Variants in KIF14 observed in about 807,000 individuals in gnomAD.
KIF14 encodes kinesin family member 14, also known as kinesin-like protein KIF14.
In KIF14, 98 loss-of-function variants were observed where a neutral mutation model predicts 176.2. The ratio of observed to expected loss-of-function variants is 0.56; its 90% confidence interval spans 0.47 to 0.66. The LOEUF (loss-of-function observed/expected upper bound fraction) is 0.66. Among genes scored for constraint, KIF14 ranks in the 30% least tolerant of loss-of-function variants. The probability of loss-of-function intolerance (pLI) is 0.00; values close to 1 mark genes in which losing one functional copy is unlikely to be tolerated. For missense variants in KIF14, 1,751 were observed against 1,920.4 expected, an observed-to-expected ratio of 0.91 and a Z score of 1.65; for synonymous variants, 566 against 632.2, an observed-to-expected ratio of 0.90 and a Z score of 1.57.
Position 200,565,699 on chromosome 1 carries a change from C to T in KIF14, c.3662-30G>A, listed in dbSNP as rs747265307. 39 of 1,433,118 alleles carry T rather than the reference C, an allele frequency of 2.7e-5. No homozygotes were observed. The African/African-American group carries it at 5.0e-4, about 18-fold the overall frequency. 88.8% of individuals were successfully genotyped at this position (1,433,118 alleles called of 1,614,324 possible). A position where few individuals can be genotyped will look rare whatever the true frequency, so the allele number is the denominator to read the frequency against. ...ATCAACAGAAAATAGCCATTTTAAG[C>T]TTGTTTTCAGGAATAATACTTTCTT... On this transcript the variant is annotated intron_variant, in intron 23 of 29. Transcript: ENST00000367350.
chr1:200,592,538 G>A (rs1659108215), intron 15 of KIF14, among the ~76,000 whole-genome samples: 1 of 152,138 alleles, frequency 6.6e-6, no homozygotes, highest in African/African-American at 2.4e-5. Context: ...ACCACACCCA[G>A]CTAATTTTTG....
Position 200,617,648 on chromosome 1 carries a change from A to T in KIF14, c.1076T>A (p.Val359Glu), listed in dbSNP as rs1445454579. The part of the protein sequence containing the change: ...KDPLKVENSQ[V>E]TVAVRVRPFT... ...AGGTCTTACGCGTACTGCCACTGTC[A>T]CTTGACTATTCTCTACTTTTAAGGG... Residue 359 changes from valine (V) to glutamate (E), a missense_variant, in exon 2 of 30, where the codon GTG becomes GAG. Val to Glu is a moderately radical substitution (Grantham distance 121, BLOSUM62 -2). Transcript: ENST00000367350. The T allele has an allele frequency of 4.3e-6, 7 of 1,613,154 alleles. No homozygotes were observed. In the East Asian group the frequency reaches 1.3e-4, roughly 31 times the overall value.
intron 16 of KIF14, 65 bp downstream of exon 16, chr1:200,592,015 A>T (rs1208668408): frequency 1.5e-6 from 2 of 1,353,238 alleles, no homozygotes; most frequent in African/African-American, 1.5e-5. Flanking sequence ...GACTGGCACA[A>T]TGTGATTAAC....
chr1:200,583,305 T>C (rs1408661539), intron 19 of KIF14, among the ~76,000 whole-genome samples: 1 of 151,988 alleles, frequency 6.6e-6, no homozygotes, highest in Non-Finnish European at 1.5e-5. Context: ...ATTATTAATA[T>C]AGTTATGGCA....
rs766057394 is a variant in KIF14 at position 200,581,288 on chromosome 1, G to A, written c.3248C>T (p.Thr1083Ile). 1.9e-5 allele frequency: 30 copies of A among 1,593,366 alleles called. No individual in the cohort carries two copies. The highest frequency in any genetic ancestry group is 2.5e-5 in the Non-Finnish European group (29 of 1,168,672). Residue 1083 changes from threonine (T) to isoleucine (I), a missense_variant, in exon 20 of 30, where the codon ACA becomes ATA. Physicochemically the swap from Thr to Ile is moderately conservative, Grantham distance 89. Transcript: ENST00000367350. ...TGAGAGTTTCATAGAGCTCCAAGTT[G>A]TCTGCACTAATACAAAGCACACAGA... is the stretch of plus-strand genomic sequence containing the variant. The part of the protein sequence containing the change: ...NNRDKTFTVQ[T>I]TWSSMKLSMM...
At chr1:200,605,765 C>T (rs1659849395) in intron 7 of KIF14, 99 bp downstream of exon 7, 8 of 730,282 alleles carry the variant, frequency 1.1e-5, no homozygotes, top group Non-Finnish European at 1.8e-5. Flanking sequence ...AGGAAACTAA[C>T]CTTTTATTTG....
intron 11 of KIF14, among the ~76,000 whole-genome samples, chr1:200,600,795 A>C (rs1419347603): frequency 6.6e-6 from 1 of 152,216 alleles, no homozygotes; most frequent in East Asian, 1.9e-4. Flanking sequence ...GTAATTGTTA[A>C]AGTGAAAGTT....
intron 11 of KIF14, 106 bp from the exon 12 acceptor site, chr1:200,600,609 A>G (rs1659578345): frequency 2.7e-6 from 2 of 735,284 alleles, no homozygotes; most frequent in South Asian, 1.9e-5. Flanking sequence ...TTTTAAATAC[A>G]GTATTACTAA....
rs555212203 is a variant in KIF14, at chr1:200,604,078, T to C, written c.1747-123A>G. 3 of 616,690 alleles carry C rather than the reference T, an allele frequency of 4.9e-6. No homozygotes were observed. In the East Asian group the frequency reaches 8.9e-5, roughly 18 times the overall value. The allele number at this position is 616,690 out of a possible 1,614,324, so 38.2% of individuals were successfully genotyped here. On this transcript the variant is annotated intron_variant, in intron 8 of 29. Transcript: ENST00000367350. ...TTTATTTTTTAAATAGTCTCTTCTT[T>C]TTTTTTGAGACAGGGTCTCACTCTG...
chr1:200,569,885 TAGAGAA>T lies in KIF14; in HGVS notation c.3661+20_3661+25del. The T allele has an allele frequency of 7.8e-7, 1 of 1,288,992 alleles. No homozygotes were observed. Among genetic ancestry groups the T allele is most frequent in the Non-Finnish European group, 1.1e-6 (1 of 900,866 alleles). The allele number at this position is 1,288,992 out of a possible 1,614,324, so 79.8% of individuals were successfully genotyped here. On this transcript the variant is annotated intron_variant, in intron 23 of 29. Transcript: ENST00000367350. ...CCAGGACTCAATGCTTTTCTCGCCA[TAGAGAA>T]AATGTGAAGAAAAAAATACCTGATG... is the stretch of plus-strand genomic sequence containing the variant.
Position 200,618,184 on chromosome 1 carries a change from A to G in KIF14, c.540T>C (p.Pro180=). ...CAATGACCTGTGGATCTTCATCTAA[A>G]GGTACAGAAGAGGCAACAAAAGAGT... ...AKNSFVASSV[P]LDEDPQVIEM... Residue 180 remains proline, a synonymous_variant, in exon 2 of 30, where the codon CCT becomes CCC. Coordinates refer to ENST00000367350, the MANE Select transcript of KIF14 (RefSeq NM_014875.3). 6.2e-7 allele frequency: 1 copy of G among 1,613,918 alleles called. No homozygotes were observed.
At chr1:200,592,692 T>C (rs557796362) in intron 15 of KIF14, among the ~76,000 whole-genome samples, 49 of 152,350 alleles carry the variant, frequency 3.2e-4, no homozygotes, top group African/African-American at 1.1e-3. Context: ...CATATAGTCA[T>C]ATGTCTCTTA....
intron 25 of KIF14, among the ~76,000 whole-genome samples, chr1:200,562,119 A>G (rs1404963544): frequency 6.6e-6 from 1 of 152,252 alleles, no homozygotes; most frequent in Non-Finnish European, 1.5e-5. Context: ...TTGCTACAAG[A>G]AAAGGATTCT....
intron 18 of KIF14, among the ~76,000 whole-genome samples, chr1:200,588,252 T>G (rs530828055): frequency 0.02 from 3,009 of 147,314 alleles, 101 homozygotes; most frequent in African/African-American, 0.074. Flanking sequence ...TGTTTTGTTT[T>G]TTTTTTTTTG....
rs1656725702 is a variant in KIF14, at chr1:200,554,449, T to TC, written c.4567+18dup. ...AAAATATAAAATTCTGATTATAAAC[T>TC]CCATTTGGAGAATCATACCTTTCAG... On this transcript the variant is annotated intron_variant, in intron 29 of 29. Transcript: ENST00000367350. 6.9e-7 allele frequency: 1 copy of TC among 1,448,250 alleles called. No homozygotes were observed. The highest frequency in any genetic ancestry group is 9.5e-7 in the Non-Finnish European group (1 of 1,051,690). 89.7% of individuals were successfully genotyped at this position (1,448,250 alleles called of 1,614,324 possible). A position where few individuals can be genotyped will look rare whatever the true frequency, so the allele number is the denominator to read the frequency against.
intron 21 of KIF14, among the ~76,000 whole-genome samples, chr1:200,578,978 C>T (rs1658293037): frequency 6.6e-6 from 1 of 152,108 alleles, no homozygotes; most frequent in South Asian, 2.1e-4. Flanking sequence ...GTAGTCCCAG[C>T]TACTCAGGCG....
intron 5 of KIF14, among the ~76,000 whole-genome samples, chr1:200,607,149 G>T (rs1659923191): frequency 6.6e-6 from 1 of 150,976 alleles, no homozygotes; most frequent in Non-Finnish European, 1.5e-5. Context: ...TTGTTTGTTT[G>T]TCTGTTTTGA....
chr1:200,572,741 C>G (rs187967598), intron 22 of KIF14, among the ~76,000 whole-genome samples: 27 of 152,264 alleles, frequency 1.8e-4, no homozygotes, highest in Middle Eastern at 3.4e-3. Context: ...AAAAATAATA[C>G]AAACCTAGTA....
chr1:200,576,264 G>A (rs1352471563), intron 21 of KIF14, among the ~76,000 whole-genome samples: 1 of 151,884 alleles, frequency 6.6e-6, no homozygotes, highest in Admixed American at 6.6e-5. Flanking sequence ...GGATCACGAG[G>A]TCAGGAGATC....
Sources: gnomAD v4.1 joint callset for allele counts (sites outside exome capture counted in the v4.1 genomes callset) on GRCh38, gnomAD v4.1.1 for gene constraint, MANE v1.5 for transcripts, NCBI Gene and HGNC (gene_info 2026-07-23, HGNC 2026-07-21) for gene names.